Variants in LPIN3 observed in about 807,000 individuals in gnomAD.
LPIN3 encodes the protein lipin 3, also known as phosphatidate phosphatase LPIN3.
A neutral mutation model predicts 94.7 loss-of-function variants in LPIN3; 82 were observed. The ratio of observed to expected loss-of-function variants is 0.87; its 90% CI spans 0.72 to 1.04. LPIN3 has a LOEUF of 1.04. LPIN3 is among the 50% of genes least tolerant of loss of function. LPIN3 has a pLI of 0.00. For synonymous variants in LPIN3, 418 were observed against 443.3 expected, an observed-to-expected ratio of 0.94 and a Z score of 0.72; for missense variants, 996 against 1,090.5, an observed-to-expected ratio of 0.91 and a Z score of 1.22.
Position 41,357,028 on chromosome 20 carries a change from G to T in LPIN3, c.1804-12G>T, listed in dbSNP as rs747707921. ...CATCAATCACGACACACCCCCCTTT[G>T]TCTGGCCTCAGCGGCGCCTGAACCT... On this transcript the variant is annotated splice_polypyrimidine_tract_variant and intron_variant, in intron 14 of 19. Transcript: ENST00000373257. 6.2e-7 allele frequency: 1 copy of T among 1,607,834 alleles called. No individual in the cohort carries two copies. The highest frequency in any genetic ancestry group is 8.5e-7 in the Non-Finnish European group (1 of 1,174,876).
intron 11 of LPIN3, 102 bp from the exon 12 acceptor site, chr20:41,354,543 G>A (rs922550432): frequency 1.8e-6 from 2 of 1,120,288 alleles, no homozygotes; most frequent in Non-Finnish European, 1.3e-6. Context: ...CCCTAGGGTT[G>A]GCTCAGACTC....
chr20:41,353,652 C>T (rs1381571731), intron 11 of LPIN3, among the ~76,000 whole-genome samples: 1 of 152,210 alleles, frequency 6.6e-6, no homozygotes, highest in Non-Finnish European at 1.5e-5. Context: ...GTCTTCCCAG[C>T]CACCTTCCCC....
chr20:41,346,182 G>T (rs966271148), intron 2 of LPIN3, among the ~76,000 whole-genome samples, 187 bp downstream of exon 2: 6 of 152,172 alleles, frequency 3.9e-5, no homozygotes, highest in Non-Finnish European at 8.8e-5. Context: ...GTCTGGGAGG[G>T]TTCACAGTTA....
Position 41,358,515 on chromosome 20 carries a change from A to G in LPIN3, c.2384A>G (p.Gln795Arg). The G allele has an allele frequency of 6.2e-7, 1 of 1,614,086 alleles. No individual in the cohort carries two copies. Among genetic ancestry groups the G allele is most frequent in the Non-Finnish European group, 8.5e-7 (1 of 1,180,000 alleles). ...GTCAACCCCCGGGGAGAGCTCATCC[A>G]GGAGCTCATAAAGAACCACAAATCC... is the stretch of plus-strand genomic sequence containing the variant. ...FTVNPRGELI[Q>R]ELIKNHKSTY... is the part of the protein sequence containing the mutation. The change falls in exon 19 of 20, where the codon CAG (glutamine) becomes CGG (arginine). Residue 795 changes from glutamine to arginine, a missense_variant. Gln to Arg is a conservative substitution (Grantham distance 43). Coordinates refer to ENST00000373257, the MANE Select transcript of LPIN3 (RefSeq NM_022896.3).
chr20:41,351,748 A>T, intron 7 of LPIN3, 73 bp from the exon 8 acceptor site: 1 of 1,368,520 alleles, frequency 7.3e-7, no homozygotes, highest in Non-Finnish European at 1.0e-6. Flanking sequence ...GAGAATTCAG[A>T]GTCAGAGGGC....
chr20:41,344,362 T>C (rs2045695388), intron 1 of LPIN3, among the ~76,000 whole-genome samples: 1 of 152,254 alleles, frequency 6.6e-6, no homozygotes, highest in Admixed American at 6.5e-5. Context: ...ACCCCTTCTA[T>C]GGCCTGTCAG....
At chr20:41,347,395 G>A (rs1035164612) in intron 2 of LPIN3, among the ~76,000 whole-genome samples, 157 bp from the exon 3 acceptor site, 9 of 152,202 alleles carry the variant, frequency 5.9e-5, no homozygotes, top group South Asian at 2.1e-4. Flanking sequence ...GCCCCCCTTC[G>A]TGGGGAGCAG....
Position 41,352,592 on chromosome 20 carries a change from G to A in LPIN3, c.1364-14G>A, listed in dbSNP as rs1315447939. On this transcript the variant is annotated splice_polypyrimidine_tract_variant and intron_variant, in intron 9 of 19. Coordinates refer to ENST00000373257, the MANE Select transcript of LPIN3 (RefSeq NM_022896.3). ...ATGTGCCAGCCTCACCCCTCACTCT[G>A]CCTCTGTGCCCAGAGAAATTCAACC... 1 of 1,610,190 alleles carries A rather than the reference G, an allele frequency of 6.2e-7. No homozygotes were observed. The highest frequency in any genetic ancestry group is 1.1e-5 in the South Asian group (1 of 90,984).
chr20:41,344,746 G>A (rs902752519), intron 1 of LPIN3, among the ~76,000 whole-genome samples: 7 of 152,216 alleles, frequency 4.6e-5, no homozygotes, highest in African/African-American at 1.4e-4. Flanking sequence ...CTGGGGGAGG[G>A]AGCAGCTTCA....
chr20:41,348,575 C>T (rs936374548), intron 3 of LPIN3, 44 bp from the exon 4 acceptor site: 5 of 1,564,426 alleles, frequency 3.2e-6, no homozygotes, highest in East Asian at 4.5e-5. Flanking sequence ...AGCGCAGCCC[C>T]ACTAGGGTCA....
intron 1 of LPIN3, among the ~76,000 whole-genome samples, chr20:41,341,228 C>A (rs2045566772): frequency 6.6e-6 from 1 of 152,176 alleles, no homozygotes; most frequent in African/African-American, 2.4e-5. Flanking sequence ...GGAGAGGAGA[C>A]GTCGAAACCT....
At chr20:41,341,869 C>G (rs969317194) in intron 1 of LPIN3, among the ~76,000 whole-genome samples, 2 of 152,044 alleles carry the variant, frequency 1.3e-5, no homozygotes, top group African/African-American at 4.8e-5. Flanking sequence ...CCCAGCTACT[C>G]GGGAGGCTGA....
Position 41,358,241 on chromosome 20 carries a change from G to A in LPIN3, c.2197G>A (p.Val733Met). 1 of 1,613,720 alleles carries A rather than the reference G, an allele frequency of 6.2e-7. No individual in the cohort carries two copies. Among genetic ancestry groups the A allele is most frequent in the South Asian group, 1.1e-5 (1 of 91,086 alleles). ...CTGTGGTTCTGGCCACCCCAGAGAG[G>A]TGATCGAGAAGAAACCAGAGGTGTT... ...SSLFSALHREVIEKKPEVFKV... is the reference protein window; with the variant it reads ...SSLFSALHREMIEKKPEVFKV... The change falls in exon 18 of 20, where the codon GTG becomes ATG. Residue 733 changes from valine to methionine, a missense_variant. Physicochemically the swap from Val to Met is conservative, Grantham distance 21 (BLOSUM62 1). Transcript: ENST00000373257.
In LPIN3 at chr20:41,358,314, G is replaced by A. The variant is rs773434462; in HGVS notation, c.2270G>A (p.Gly757Glu). 1.2e-6 allele frequency: 2 copies of A among 1,614,134 alleles called. No homozygotes were observed. The highest frequency in any genetic ancestry group is 3.3e-5 in the Admixed American group (2 of 60,014). ...SDIQQLFLPH[G>E]QPFYAAFGNR... is the part of the protein sequence containing the mutation. Reference sequence around the variant, plus strand: ...ATCCAGCAGCTGTTTCTGCCCCACGGACAGCCCTTCTATGCTGCCTTTGGG... The same window carrying A: ...ATCCAGCAGCTGTTTCTGCCCCACGAACAGCCCTTCTATGCTGCCTTTGGG... The change falls in exon 18 of 20, where the codon GGA (glycine) becomes GAA (glutamate). Residue 757 changes from glycine to glutamate, a missense_variant. Physicochemically the swap from Gly to Glu is moderately conservative, Grantham distance 98. Transcript: ENST00000373257.
chr20:41,353,752 A>G (rs1378374470), intron 11 of LPIN3, among the ~76,000 whole-genome samples: 2 of 152,200 alleles, frequency 1.3e-5, no homozygotes, highest in African/African-American at 4.8e-5. Context: ...CACCACACTG[A>G]CCTGGCATGG....
chr20:41,341,157 T>G (rs1443079460), intron 1 of LPIN3, among the ~76,000 whole-genome samples, 155 bp downstream of exon 1: 1 of 152,158 alleles, frequency 6.6e-6, no homozygotes, highest in African/African-American at 2.4e-5. Context: ...TGGCCTCATT[T>G]TGTCCCTTTT....
In LPIN3 at chr20:41,350,285, G is replaced by C. The variant is rs773909516; in HGVS notation, c.990G>C (p.Lys330Asn). The C allele has an allele frequency of 6.2e-7, 1 of 1,613,634 alleles. No homozygotes were observed. The highest frequency in any genetic ancestry group is 2.2e-5 in the East Asian group (1 of 44,868). Residue 330 changes from lysine to asparagine, a missense_variant, in exon 7 of 20, where the codon AAG becomes AAC. By Grantham distance (94) the Lys-to-Asn change is moderately conservative. Coordinates refer to ENST00000373257, the MANE Select transcript of LPIN3 (RefSeq NM_022896.3). The part of the protein sequence containing the change: ...PLHTPETEES[K>N]TQSSGDMGLP... Reference sequence around the variant, plus strand: ...ACACCCCAGAGACAGAGGAAAGCAAGACTCAGAGCTCTGGGGACATGGGCC... The same window carrying C: ...ACACCCCAGAGACAGAGGAAAGCAACACTCAGAGCTCTGGGGACATGGGCC...
intron 17 of LPIN3, 24 bp downstream of exon 17, chr20:41,358,058 C>T: frequency 1.3e-6 from 2 of 1,575,784 alleles, no homozygotes; most frequent in Non-Finnish European, 1.7e-6. Context: ...CACATACAAG[C>T]CCGTGGCCCC....
chr20:41,354,322 A>C (rs2046131144), intron 11 of LPIN3, among the ~76,000 whole-genome samples: 1 of 152,188 alleles, frequency 6.6e-6, no homozygotes, highest in African/African-American at 2.4e-5. Context: ...GATCTTGAGA[A>C]ACTCCCAAAG....
Sources: allele counts gnomAD v4.1 joint callset (sites outside exome capture counted in the v4.1 genomes callset), GRCh38; gene constraint gnomAD v4.1.1; transcripts MANE v1.5; gene names NCBI Gene and HGNC (gene_info 2026-07-23, HGNC 2026-07-21).